ATM: variants seen among roughly 807,000 people sequenced by gnomAD.
ATM encodes serine-protein kinase ATM.
A neutral mutation model predicts 387.0 loss-of-function variants in ATM; 308 were observed. The ratio of observed to expected loss-of-function variants is 0.80; its 90% CI spans 0.73 to 0.87. The LOEUF is 0.87. Ranked by LOEUF, ATM falls within the 40% of genes least tolerant of loss-of-function variation. The pLI, the probability that ATM is intolerant of heterozygous loss-of-function variation, is 0.00. For synonymous variants in ATM, 1,156 were observed against 1,187.3 expected, an observed-to-expected ratio of 0.97 and a Z score of 0.54; for missense variants, 3,312 against 3,560.9, an observed-to-expected ratio of 0.93 and a Z score of 1.78.
At chr11:108,259,966 G>A (rs2080758840) in intron 16 of ATM, among the ~76,000 whole-genome samples, 1 of 150,788 alleles carries the variant, frequency 6.6e-6, no homozygotes, top group African/African-American at 2.4e-5. Context: ...TTATTTAGCA[G>A]TGCATGGTAT....
chr11:108,237,403 A>G (rs553206274), intron 5 of ATM, among the ~76,000 whole-genome samples: 3 of 152,238 alleles, frequency 2.0e-5, no homozygotes, highest in Admixed American at 6.5e-5. Flanking sequence ...TCTGCTTACT[A>G]TATTCTGTCA....
intron 43 of ATM, among the ~76,000 whole-genome samples, chr11:108,318,287 G>A (rs1565505885): frequency 6.6e-6 from 1 of 152,064 alleles, no homozygotes; most frequent in Non-Finnish European, 1.5e-5. Flanking sequence ...GCTAGAACAC[G>A]GGAGACGGAG....
chr11:108,303,825 A>C (rs900002299), intron 36 of ATM, among the ~76,000 whole-genome samples: 2 of 152,178 alleles, frequency 1.3e-5, no homozygotes, highest in Non-Finnish European at 2.9e-5. Context: ...AACAAAGCTA[A>C]GATTTTTATA....
At chr11:108,268,077 G>A (rs984282198) in intron 17 of ATM, among the ~76,000 whole-genome samples, 4 of 151,886 alleles carry the variant, frequency 2.6e-5, no homozygotes, top group Admixed American at 2.0e-4. Context: ...CTTTTTAATG[G>A]CTTCACCATT....
intron 37 of ATM, among the ~76,000 whole-genome samples, chr11:108,306,103 A>C (rs1287767192): frequency 1.3e-5 from 2 of 152,218 alleles, no homozygotes; most frequent in African/African-American, 4.8e-5. Flanking sequence ...TTCATTTGAC[A>C]TGACTCTAAT....
intron 59 of ATM, 91 bp from the exon 60 acceptor site, chr11:108,353,675 G>A: frequency 5.9e-6 from 6 of 1,018,962 alleles, no homozygotes; most frequent in Non-Finnish European, 9.3e-6. Context: ...GGTAACATGT[G>A]GTTTCTTGCC....
At position 108,254,051 on chromosome 11, in the gene ATM, TAAAA is replaced by T. The variant is rs35211268; in HGVS notation, c.2124+16_2124+19del. On this transcript the variant is annotated intron_variant, in intron 13 of 62. Coordinates refer to ENST00000675843, the MANE Select transcript of ATM (RefSeq NM_000051.4). ...ATTACTCATCTGAGGTGAGATTTTT[TAAAA>T]AAAGAACTAAGCTTATATATGATTC... The T allele has an allele frequency of 3.1e-6, 5 of 1,610,488 alleles. No individual in the cohort carries two copies. Among genetic ancestry groups the T allele is most frequent in the Non-Finnish European group, 4.2e-6 (5 of 1,178,010 alleles).
At chr11:108,326,254 GT>G (rs1334509955) in intron 47 of ATM, 29 bp downstream of exon 47, 13 of 1,612,512 alleles carry the variant, frequency 8.1e-6, no homozygotes, top group Non-Finnish European at 1.1e-5. Flanking sequence ...CTGGATTAGT[GT>G]TTTACTGTTA....
chr11:108,345,924 A>G lies in ATM; in HGVS notation c.8584+16A>G, dbSNP rs1322889530. On this transcript the variant is annotated intron_variant, in intron 58 of 62. Coordinates refer to ENST00000675843, the MANE Select transcript of ATM (RefSeq NM_000051.4). ...TCTTCTATTGGTAATCTTCTTGTACATATAGTAGATTGAGCACTTTGTTGT... is the reference window on the plus strand; with the variant it reads ...TCTTCTATTGGTAATCTTCTTGTACGTATAGTAGATTGAGCACTTTGTTGT... 3 of 1,612,896 alleles carry G rather than the reference A, an allele frequency of 1.9e-6. No individual in the cohort carries two copies. Among genetic ancestry groups the G allele is most frequent in the East Asian group, 2.2e-5 (1 of 44,808 alleles).
Position 108,335,044 on chromosome 11 carries a change from G to T in ATM, c.8086G>T (p.Val2696Leu). 6.2e-7 allele frequency: 1 copy of T among 1,614,104 alleles called. No homozygotes were observed. The highest frequency in any genetic ancestry group is 8.5e-7 in the Non-Finnish European group (1 of 1,179,998). ...AGCAGAATTTCGCTTAGCAGGAGGT[G>T]TAAATTTACCAAAAATAATAGATTG... ...FKAEFRLAGGVNLPKIIDCVG... is the reference protein window; with the variant it reads ...FKAEFRLAGGLNLPKIIDCVG... The change falls in exon 55 of 63, where the codon GTA (valine) becomes TTA (leucine). Residue 2696 changes from valine (V) to leucine (L), a missense_variant. By Grantham distance (32) the Val-to-Leu change is conservative. This residue lies in a region of ATM where 1,405 missense variants were observed against 1,604.4 expected (regional missense o/e 0.88). Coordinates refer to ENST00000675843, the MANE Select transcript of ATM (RefSeq NM_000051.4).
At chr11:108,288,358 A>C (rs1324415586) in intron 27 of ATM, among the ~76,000 whole-genome samples, 6 of 152,098 alleles carry the variant, frequency 3.9e-5, no homozygotes, top group Middle Eastern at 3.2e-3. Context: ...TACAGGCATG[A>C]GCCGCCGTAC....
Position 108,256,251 on chromosome 11 carries a change from C to CT in ATM, c.2165dup (p.Leu722PhefsTer16), listed in dbSNP as rs1057516393. ...AGAAACTCTTGTCCGGTGTTCACGTCTTTTGGTGGGTGTCCTTGGCTGCTA... is the reference window on the plus strand; with the variant it reads ...AGAAACTCTTGTCCGGTGTTCACGTCTTTTTGGTGGGTGTCCTTGGCTGCTA... On this transcript the variant is annotated frameshift_variant, in exon 14 of 63. Transcript: ENST00000675843. LOFTEE classifies it high-confidence loss of function. 6.2e-7 allele frequency: 1 copy of CT among 1,609,876 alleles called. No homozygotes were observed. Among genetic ancestry groups the CT allele is most frequent in the Non-Finnish European group, 8.5e-7 (1 of 1,177,294 alleles).
Position 108,272,780 on chromosome 11 carries a change from A to G in ATM, c.3212A>G (p.Asn1071Ser), listed in dbSNP as rs755237639. ...GTAATGGGAAAAGACTTTCCTGTAAATGAAGTATTTACACAATTTCTTGCT... is the reference window on the plus strand; with the variant it reads ...GTAATGGGAAAAGACTTTCCTGTAAGTGAAGTATTTACACAATTTCTTGCT... Reference protein sequence around the residue: ...LNVMGKDFPVNEVFTQFLADN... With the variant: ...LNVMGKDFPVSEVFTQFLADN... The change falls in exon 22 of 63, where the codon AAT becomes AGT. Residue 1071 changes from asparagine (N) to serine (S), a missense_variant. Physicochemically the swap from Asn to Ser is conservative, Grantham distance 46 (BLOSUM62 1). Coordinates refer to ENST00000675843, the MANE Select transcript of ATM (RefSeq NM_000051.4). 1.7e-5 allele frequency: 27 copies of G among 1,613,992 alleles called. No homozygotes were observed. Among genetic ancestry groups the G allele is most frequent in the South Asian group, 1.1e-5 (1 of 91,090 alleles).
At chr11:108,304,941 C>A in intron 37 of ATM, 89 bp downstream of exon 37, 2 of 1,451,030 alleles carry the variant, frequency 1.4e-6, no homozygotes, top group Non-Finnish European at 1.9e-6. Context: ...AAGCACTTTA[C>A]AGGATTAAAT....
chr11:108,348,317 T>A (rs1292076100), intron 59 of ATM, among the ~76,000 whole-genome samples: 2 of 151,576 alleles, frequency 1.3e-5, no homozygotes, highest in Non-Finnish European at 2.9e-5. Context: ...ATGAATTTAG[T>A]TTTGCTCATT....
rs775245736 is a variant in ATM, at chr11:108,332,057, G to T, written c.7788+20G>T. ...GATGAGGTATTTGGATTAAACATAC[G>T]TACCTTTTAGAAGTGTGATATTCAG... is the stretch of plus-strand genomic sequence containing the variant. On this transcript the variant is annotated intron_variant, in intron 52 of 62. Coordinates refer to ENST00000675843, the MANE Select transcript of ATM (RefSeq NM_000051.4). The T allele has an allele frequency of 6.2e-7, 1 of 1,611,888 alleles. No individual in the cohort carries two copies. The highest frequency in any genetic ancestry group is 2.2e-5 in the East Asian group (1 of 44,754).
Position 108,271,228 on chromosome 11 carries a change from CTTT to C in ATM, c.2922-10_2922-8del, listed in dbSNP as rs373881770. The C allele has an allele frequency of 6.5e-5, 102 of 1,561,508 alleles. No individual in the cohort carries two copies. The highest frequency in any genetic ancestry group is 1.8e-4 in the South Asian group (16 of 89,226). On this transcript the variant is annotated intron_variant, in intron 19 of 62. Transcript: ENST00000675843. The stretch of plus-strand genomic sequence containing the variant: ...GTTCTGTTAAGCTTATAAAGTTGAA[CTTT>C]TTTTTTTTTTTTACCACAGCAATGT...
chr11:108,227,935 A>G (rs1291310027), intron 3 of ATM, 47 bp downstream of exon 3: 2 of 1,481,050 alleles, frequency 1.4e-6, no homozygotes, highest in Non-Finnish European at 1.9e-6. Flanking sequence ...TCTCTTTCAT[A>G]TTTATTTCTG....
At position 108,250,981 on chromosome 11, in the gene ATM, G is replaced by T. The variant is rs587779816; in HGVS notation, c.1516G>T (p.Gly506Cys). Residue 506 changes from glycine to cysteine, a missense_variant, in exon 10 of 63, where the codon GGC (glycine) becomes TGC (cysteine). Around this residue, in one of 4 missense-constraint regions of ATM, gnomAD observed 1,791 missense variants for 1,804.5 expected, o/e 0.99. Coordinates refer to ENST00000675843, the MANE Select transcript of ATM (RefSeq NM_000051.4). ...TGAGCAAATACAAGCTGAAAACTTT[G>T]GCTTACTTGGAGCCATAATTCAGGG... ...SSEQIQAENF[G>C]LLGAIIQGSL... is the part of the protein sequence containing the mutation. 74 of 1,613,942 alleles carry T rather than the reference G, an allele frequency of 4.6e-5. 1 individual carries two copies. In the Middle Eastern group the frequency reaches 5.1e-3, roughly 111 times the overall value.
Sources: allele counts gnomAD v4.1 joint callset (sites outside exome capture counted in the v4.1 genomes callset), GRCh38; gene constraint gnomAD v4.1.1; regional missense constraint gnomAD v4.1.1; transcripts MANE v1.5; gene names NCBI Gene and HGNC (gene_info 2026-07-23, HGNC 2026-07-21).